Variants in CABLES1 observed in about 807,000 individuals in gnomAD.
CABLES1 encodes the protein CDK5 and ABL1 enzyme substrate 1.
A neutral mutation model predicts 57.8 loss-of-function variants in CABLES1; 36 were observed. That is an observed-to-expected ratio of 0.62 (90% CI 0.48 to 0.82). CABLES1 has a LOEUF of 0.82. Ranked by LOEUF, CABLES1 falls within the 40% of genes least tolerant of loss-of-function variation. The probability of loss-of-function intolerance (pLI) is 0.00; values close to 1 mark genes in which losing one functional copy is unlikely to be tolerated. For synonymous variants in CABLES1, 374 were observed against 363.0 expected (o/e 1.03, Z -0.35); for missense variants, 767 against 836.6 (o/e 0.92, Z 1.03).
Position 23,151,714 on chromosome 18 carries a change from G to A in CABLES1, c.845+15107G>A, listed in dbSNP as rs374569334. Reference sequence around the variant, plus strand: ...GGTTGAGGAAGGCTTGCTTCGGGAGGTGACTGCTGAACTAAGGTCTAAGAG... The same window carrying A: ...GGTTGAGGAAGGCTTGCTTCGGGAGATGACTGCTGAACTAAGGTCTAAGAG... On this transcript the variant is annotated intron_variant, in intron 1 of 9. Coordinates refer to ENST00000256925, the MANE Select transcript of CABLES1 (RefSeq NM_001100619.3). Among the ~76,000 whole-genome samples, 23 of 152,298 alleles carry A rather than the reference G, an allele frequency of 1.5e-4. No individual in the cohort carries two copies. The South Asian group carries it at 4.6e-3, about 30-fold the overall frequency.
chr18:23,154,814 T>A (rs1330738745), intron 1 of CABLES1, among the ~76,000 whole-genome samples: 1 of 152,240 alleles, frequency 6.6e-6, no homozygotes, highest in Non-Finnish European at 1.5e-5. Context: ...ACAAATTTTG[T>A]GACCTTCCTG....
chr18:23,140,288 G>A (rs1380946275), intron 1 of CABLES1, among the ~76,000 whole-genome samples: 1 of 152,186 alleles, frequency 6.6e-6, no homozygotes, highest in Non-Finnish European at 1.5e-5. Context: ...CCAGCAGTTG[G>A]CCCCAGCCCT....
At chr18:23,205,956 C>G (rs989726779) in intron 3 of CABLES1, among the ~76,000 whole-genome samples, 22 of 152,100 alleles carry the variant, frequency 1.4e-4, no homozygotes, top group African/African-American at 5.1e-4. Context: ...CCACCAGTAG[C>G]CAGGAGACAG....
rs769078036 is a variant in CABLES1 at position 23,213,981 on chromosome 18, G to A, written c.1015G>A (p.Val339Ile). Reference sequence around the variant, plus strand: ...GTTCTTCTTTTTATTTTTTAGAATAGTCCTTATCAGTGGCAGAAGATCCTT... The same window carrying A: ...GTTCTTCTTTTTATTTTTTAGAATAATCCTTATCAGTGGCAGAAGATCCTT... ...RQHDTRNGRI[V>I]LISGRRSFCS... The change falls in exon 4 of 10, where the codon GTC (valine) becomes ATC (isoleucine). Residue 339 changes from valine (V) to isoleucine (I), a missense_variant. Physicochemically the swap from Val to Ile is conservative, Grantham distance 29. Coordinates refer to ENST00000256925, the MANE Select transcript of CABLES1 (RefSeq NM_001100619.3). The A allele has an allele frequency of 1.3e-5, 20 of 1,598,742 alleles. No homozygotes were observed. In the East Asian group the frequency reaches 4.2e-4, roughly 34 times the overall value.
chr18:23,235,801 C>A, intron 5 of CABLES1, 94 bp from the exon 6 acceptor site: 1 of 1,222,322 alleles, frequency 8.2e-7, no homozygotes, highest in Non-Finnish European at 1.2e-6. Context: ...AGAAAGTGGA[C>A]CTGAATGTGG....
chr18:23,142,958 G>A (rs2144950270), intron 1 of CABLES1, among the ~76,000 whole-genome samples: 1 of 152,280 alleles, frequency 6.6e-6, no homozygotes, highest in Non-Finnish European at 1.5e-5. Flanking sequence ...CCCTGAGACA[G>A]TACTACCTTC....
At chr18:23,145,220 A>G (rs956034999) in intron 1 of CABLES1, among the ~76,000 whole-genome samples, 1 of 152,104 alleles carries the variant, frequency 6.6e-6, no homozygotes, top group African/African-American at 2.4e-5. Context: ...TACAGGCATG[A>G]GCCACCGTGC....
chr18:23,254,103 T>G (rs1240710267), intron 9 of CABLES1, among the ~76,000 whole-genome samples, 167 bp downstream of exon 9: 1 of 152,240 alleles, frequency 6.6e-6, no homozygotes, highest in Non-Finnish European at 1.5e-5. Flanking sequence ...TCAGGCTATC[T>G]TAAAACATAG....
Position 23,237,242 on chromosome 18 carries a change from C to A in CABLES1, c.1443C>A (p.Tyr481Ter). Reference sequence around the variant, plus strand: ...AACGCGTTCTGATCTTCCCTTCCTACATGGTGAGTAGCGTGGAATGGAGGC... The same window carrying A: ...AACGCGTTCTGATCTTCCCTTCCTAAATGGTGAGTAGCGTGGAATGGAGGC... ...KHKRVLIFPS[Y>*]MTTVIDYVKP... The change falls in exon 7 of 10, where the codon TAC becomes TAA. Residue 481 changes from tyrosine (Y) to a stop codon, truncating the protein, a stop_gained. Transcript: ENST00000256925. LOFTEE classifies it high-confidence loss of function. 6.2e-7 allele frequency: 1 copy of A among 1,600,802 alleles called. No individual in the cohort carries two copies. Among genetic ancestry groups the A allele is most frequent in the Non-Finnish European group, 8.6e-7 (1 of 1,167,830 alleles).
chr18:23,153,924 A>G (rs1442425017), intron 1 of CABLES1, among the ~76,000 whole-genome samples: 2 of 152,050 alleles, frequency 1.3e-5, no homozygotes, highest in Non-Finnish European at 2.9e-5. Flanking sequence ...TCAGCCACCT[A>G]GGACGCGGAA....
chr18:23,219,842 A>C (rs1259278741), intron 4 of CABLES1, among the ~76,000 whole-genome samples: 3 of 152,240 alleles, frequency 2.0e-5, no homozygotes, highest in African/African-American at 7.2e-5. Flanking sequence ...CACACTCCCC[A>C]TCTGTCAATA....
rs1351463286 is a variant in CABLES1, at chr18:23,234,614, G to A, written c.1095G>A (p.Leu365=). The change falls in exon 5 of 10, where the codon TTG becomes TTA. Residue 365 remains leucine (L), a synonymous_variant. Transcript: ENST00000256925. ...CTCTGACTTGTCCTCCCAGGGACTT[G>A]AAGTTGGACGGAGGAAGACAATCAA... ...PYRDSTQVGD[L]KLDGGRQSTG... is the part of the protein sequence containing the mutation. 1 of 1,613,446 alleles carries A rather than the reference G, an allele frequency of 6.2e-7. No homozygotes were observed. Among genetic ancestry groups the A allele is most frequent in the Non-Finnish European group, 8.5e-7 (1 of 1,179,414 alleles).
chr18:23,209,879 G>A (rs184599085), intron 3 of CABLES1, among the ~76,000 whole-genome samples: 3 of 149,380 alleles, frequency 2.0e-5, no homozygotes, highest in Admixed American at 6.6e-5. Context: ...GTCACCTTGC[G>A]GGGGGGCGGT....
intron 1 of CABLES1, among the ~76,000 whole-genome samples, chr18:23,143,189 A>ACCTT (rs1161477985): frequency 6.6e-6 from 1 of 152,002 alleles, no homozygotes; most frequent in Non-Finnish European, 1.5e-5. Flanking sequence ...TCTAGGGAAG[A>ACCTT]CCTCTGTGCA....
At chr18:23,144,400 G>C (rs2046878469) in intron 1 of CABLES1, among the ~76,000 whole-genome samples, 1 of 152,352 alleles carries the variant, frequency 6.6e-6, no homozygotes, top group South Asian at 2.1e-4. Context: ...AGTTGCTCCT[G>C]ACTCTTAATT....
intron 4 of CABLES1, among the ~76,000 whole-genome samples, chr18:23,220,439 C>T (rs1291445175): frequency 6.6e-6 from 1 of 151,874 alleles, no homozygotes; most frequent in Admixed American, 6.6e-5. Context: ...AGCAACTGCC[C>T]AAGTGGCAGT....
intron 1 of CABLES1, among the ~76,000 whole-genome samples, chr18:23,181,487 G>A (rs2145005163): frequency 2.6e-5 from 2 of 77,390 alleles, no homozygotes; most frequent in Middle Eastern, 0.038. Context: ...CAAGAGCAAA[G>A]CTTCGTCTCA....
intron 1 of CABLES1, among the ~76,000 whole-genome samples, chr18:23,165,205 C>T (rs1323324070): frequency 2.0e-5 from 3 of 152,272 alleles, no homozygotes; most frequent in Non-Finnish European, 2.9e-5. Flanking sequence ...CAGCAATCCT[C>T]CCAAGTAGCT....
At chr18:23,246,343 T>A (rs1015820460) in intron 7 of CABLES1, among the ~76,000 whole-genome samples, 1 of 151,756 alleles carries the variant, frequency 6.6e-6, no homozygotes, top group African/African-American at 2.4e-5. Context: ...ATTAGCACTT[T>A]GATTTACAGT....
Sources: gnomAD v4.1 joint callset for allele counts (sites outside exome capture counted in the v4.1 genomes callset) on GRCh38, gnomAD v4.1.1 for gene constraint, MANE v1.5 for transcripts, NCBI Gene and HGNC (gene_info 2026-07-23, HGNC 2026-07-21) for gene names.